Variants in PUS10 observed in about 807,000 individuals in gnomAD.
PUS10 encodes the protein pseudouridine synthase 10.
In PUS10, 59 loss-of-function variants were observed where a neutral mutation model predicts 75.0. The ratio of observed to expected loss-of-function variants is 0.79; its 90% CI spans 0.64 to 0.98. The LOEUF is 0.98. PUS10 is among the 50% of genes least tolerant of loss of function. PUS10 has a pLI of 0.00. For missense variants in PUS10, 650 were observed against 614.4 expected, an observed-to-expected ratio of 1.06 and a Z score of -0.61; for synonymous variants, 219 against 211.6, an observed-to-expected ratio of 1.03 and a Z score of -0.30.
chr2:60,988,588 A>G (rs1677870446), intron 4 of PUS10, among the ~76,000 whole-genome samples: 2 of 152,152 alleles, frequency 1.3e-5, no homozygotes, highest in Non-Finnish European at 2.9e-5. Flanking sequence ...AAACAAATAT[A>G]ACTGGCCTTC....
chr2:61,004,425 A>G (rs1485873847), intron 4 of PUS10, among the ~76,000 whole-genome samples: 3 of 152,034 alleles, frequency 2.0e-5, no homozygotes, highest in South Asian at 2.1e-4. Flanking sequence ...AAGACAGATC[A>G]AGACCATCCT....
At chr2:61,006,665 GT>G (rs1416440069) in intron 3 of PUS10, 22 bp from the exon 4 acceptor site, 1 of 1,574,340 alleles carries the variant, frequency 6.4e-7, no homozygotes, top group Non-Finnish European at 8.7e-7. Flanking sequence ...TTACAATTAT[GT>G]AAATTCCCAG....
chr2:60,956,646 A>G (rs1573398820), intron 11 of PUS10, among the ~76,000 whole-genome samples: 3 of 152,306 alleles, frequency 2.0e-5, no homozygotes, highest in African/African-American at 4.8e-5. Flanking sequence ...GATTCAGACT[A>G]AAGGAGAAGC....
intron 17 of PUS10, among the ~76,000 whole-genome samples, chr2:60,943,207 A>G (rs1405894774): frequency 2.0e-5 from 3 of 152,170 alleles, no homozygotes; most frequent in African/African-American, 7.2e-5. Context: ...GTCTTGTTGT[A>G]ACACAGCAAC....
At position 60,945,087 on chromosome 2, in the gene PUS10, A is replaced by G. The variant is rs1022305084; in HGVS notation, c.1473T>C (p.His491=). 2.5e-6 allele frequency: 4 copies of G among 1,613,502 alleles called. No homozygotes were observed. In the East Asian group the frequency reaches 6.7e-5, roughly 27 times the overall value. ...QAGTYIKEFV[H]GDFGRTKPNI... is the part of the protein sequence containing the mutation. ...TTGGCTTGGTTCTCCCGAAGTCTCC[A>G]TGTACAAACTCTTTAATGTAGCTGG... The change falls in exon 17 of 18, where the codon CAT becomes CAC. Residue 491 remains histidine, a synonymous_variant. Coordinates refer to ENST00000316752, the MANE Select transcript of PUS10 (RefSeq NM_144709.4).
At chr2:60,982,806 A>C (rs983701584) in intron 4 of PUS10, among the ~76,000 whole-genome samples, 10 of 152,078 alleles carry the variant, frequency 6.6e-5, no homozygotes, top group African/African-American at 2.4e-4. Context: ...CTATGTATGT[A>C]AATATCCTAA....
At chr2:60,989,717 C>T (rs747042342) in intron 4 of PUS10, among the ~76,000 whole-genome samples, 4 of 152,102 alleles carry the variant, frequency 2.6e-5, no homozygotes, top group Non-Finnish European at 5.9e-5. Context: ...CTCCTGAGCT[C>T]AAGCTATTCT....
chr2:60,997,527 G>A (rs963961082), intron 4 of PUS10, among the ~76,000 whole-genome samples: 3 of 149,968 alleles, frequency 2.0e-5, no homozygotes, highest in African/African-American at 4.9e-5. Context: ...GGAGAATGGC[G>A]TGAACCCGGG....
In PUS10 at chr2:60,961,548, C is replaced by T. The variant is rs780107281; in HGVS notation, c.789G>A (p.Lys263=). ...LNKIKEEDFL[K]QFPCPPNSPK... is the part of the protein sequence containing the mutation. ...GTGAGTTTGGAGGACAAGGAAACTG[C>T]CTGCAAAACAAAATAAATTTTATAG... is the stretch of plus-strand genomic sequence containing the variant. The change falls in exon 10 of 18, where the codon AAG becomes AAA. Residue 263 remains lysine (K), a splice_region_variant and synonymous_variant. Coordinates refer to ENST00000316752, the MANE Select transcript of PUS10 (RefSeq NM_144709.4). 3 of 1,612,120 alleles carry T rather than the reference C, an allele frequency of 1.9e-6. No individual in the cohort carries two copies. In the South Asian group the frequency reaches 3.3e-5, roughly 18 times the overall value.
chr2:61,006,738 A>AT, intron 3 of PUS10, 95 bp from the exon 4 acceptor site: 1 of 885,506 alleles, frequency 1.1e-6, no homozygotes, highest in Non-Finnish European at 1.7e-6. Flanking sequence ...CCAGGAGATG[A>AT]CATGGCAAAA....
intron 4 of PUS10, among the ~76,000 whole-genome samples, chr2:60,977,039 G>T (rs951193211): frequency 1.3e-5 from 2 of 152,190 alleles, no homozygotes; most frequent in African/African-American, 2.4e-5. Flanking sequence ...ATTGGAGAAT[G>T]TTAGGCAAGT....
Position 60,953,099 on chromosome 2 carries a change from ATG to A in PUS10, c.1204_1205del (p.His402TyrfsTer5), listed in dbSNP as rs1376711555. On this transcript the variant is annotated frameshift_variant, in exon 15 of 18. Coordinates refer to ENST00000316752, the MANE Select transcript of PUS10 (RefSeq NM_144709.4). LOFTEE classifies it high-confidence loss of function. ...TCTTTTCTTCTTCACCTTCTTTCAT[ATG>A]TCCTATTGCCTCTCTAAACAAAAAC... ...LQLVTREAIGHMKEGEEEKTK... is the reference protein window; with the variant it reads ...LQLVTREAIGXMKEGEEEKTK... 6.3e-7 allele frequency: 1 copy of A among 1,588,848 alleles called. No homozygotes were observed. Among genetic ancestry groups the A allele is most frequent in the African/African-American group, 1.3e-5 (1 of 74,430 alleles).
intron 4 of PUS10, among the ~76,000 whole-genome samples, chr2:60,995,848 A>G (rs1186789332): frequency 3.3e-5 from 5 of 152,210 alleles, no homozygotes; most frequent in African/African-American, 1.2e-4. Context: ...CTTTGAGGCT[A>G]CCTCATGTTC....
chr2:60,948,049 G>C lies in PUS10; in HGVS notation c.1445C>G (p.Ala482Gly), dbSNP rs753686693. The change falls in exon 16 of 18, where the codon GCT becomes GGT. Residue 482 changes from alanine (A) to glycine (G), a missense_variant. Physicochemically the swap from Ala to Gly is moderately conservative, Grantham distance 60. Transcript: ENST00000316752. ...HHFRLHLKTQ[A>G]GTYIKEFVHG... ...GCAGCAGGTGGAAGGATACGTGCCA[G>C]CCTGAGTTTTCAAGTGGAGGCGGAA... 1.9e-6 allele frequency: 3 copies of C among 1,613,994 alleles called. No homozygotes were observed. In the African/African-American group the frequency reaches 4.0e-5, roughly 22 times the overall value.
intron 4 of PUS10, among the ~76,000 whole-genome samples, chr2:60,994,011 G>A (rs1196756205): frequency 2.0e-5 from 3 of 151,942 alleles, no homozygotes; most frequent in South Asian, 2.1e-4. Context: ...GGATGGTCTC[G>A]ATCTCCTGAC....
chr2:61,009,097 T>C (rs1458030108), intron 2 of PUS10, 82 bp from the exon 3 acceptor site: 71 of 1,275,412 alleles, frequency 5.6e-5, no homozygotes, highest in Middle Eastern at 2.7e-4. Flanking sequence ...CAAGAAAACA[T>C]GAGTGAAAAT....
chr2:60,973,087 G>C (rs1304408222), intron 4 of PUS10, among the ~76,000 whole-genome samples: 3 of 152,192 alleles, frequency 2.0e-5, no homozygotes, highest in Non-Finnish European at 4.4e-5. Context: ...CTCTGCTCTC[G>C]CATGGCCGGC....
At chr2:61,007,574 G>C (rs1011456886) in intron 3 of PUS10, among the ~76,000 whole-genome samples, 1 of 151,880 alleles carries the variant, frequency 6.6e-6, no homozygotes, top group African/African-American at 2.4e-5. Flanking sequence ...TTCGAGACCA[G>C]ACTGGCCAAC....
At chr2:60,971,192 T>A (rs934167613) in intron 5 of PUS10, among the ~76,000 whole-genome samples, 129 of 150,326 alleles carry the variant, frequency 8.6e-4, no homozygotes, top group East Asian at 2.7e-3. Flanking sequence ...AAAAAAAAAA[T>A]AATAATAATA....
Sources: gnomAD v4.1 joint callset for allele counts (sites outside exome capture counted in the v4.1 genomes callset) on GRCh38, gnomAD v4.1.1 for gene constraint, MANE v1.5 for transcripts, NCBI Gene and HGNC (gene_info 2026-07-23, HGNC 2026-07-21) for gene names.